The following HUNK variants were observed in gnomAD, a reference collection of about 807,000 sequenced individuals.
HUNK encodes the protein hormonally up-regulated Neu-associated kinase.
A neutral mutation model predicts 61.0 loss-of-function variants in HUNK; 21 were observed. The observed-to-expected ratio is 0.34, with a 90% CI of 0.24 to 0.50. HUNK has a LOEUF of 0.50. Among genes scored for constraint, HUNK ranks in the 20% least tolerant of loss-of-function variants. The pLI, the probability that HUNK is intolerant of heterozygous loss-of-function variation, is 0.98. For synonymous variants in HUNK, 371 were observed against 386.1 expected, an observed-to-expected ratio of 0.96 and a Z score of 0.46; for missense variants, 772 against 945.7, an observed-to-expected ratio of 0.82 and a Z score of 2.41.
Position 31,943,615 on chromosome 21 carries a change from T to A in HUNK, c.611-2421T>A, listed in dbSNP as rs568292643. Among the ~76,000 whole-genome samples the A allele has an allele frequency of 2.1e-4, 32 of 152,372 alleles. 1 individual carries two copies. Among genetic ancestry groups the A allele is most frequent in the African/African-American group, 7.2e-4 (30 of 41,594 alleles). On this transcript the variant is annotated intron_variant, in intron 3 of 10. Coordinates refer to ENST00000270112, the MANE Select transcript of HUNK (RefSeq NM_014586.2). ...CAACATAAGTTGCTTAACATGCAGA[T>A]TCTCTCTCTTCCACCTCCCAGATCC...
intron 9 of HUNK, among the ~76,000 whole-genome samples, chr21:31,992,366 G>A (rs2123254933): frequency 6.6e-6 from 1 of 152,298 alleles, no homozygotes; most frequent in South Asian, 2.1e-4. Flanking sequence ...ATTGTTCATG[G>A]GGCTGCGTTT....
chr21:31,919,898 A>G (rs1377311524), intron 1 of HUNK, among the ~76,000 whole-genome samples: 2 of 152,242 alleles, frequency 1.3e-5, no homozygotes, highest in African/African-American at 4.8e-5. Flanking sequence ...AAAGGGCATC[A>G]GATAGATTCC....
intron 9 of HUNK, among the ~76,000 whole-genome samples, chr21:31,991,273 A>G (rs2053170539): frequency 6.6e-6 from 1 of 151,812 alleles, no homozygotes; most frequent in Non-Finnish European, 1.5e-5. Context: ...GCTGGAGTGC[A>G]GTGGGTGTGA....
intron 1 of HUNK, among the ~76,000 whole-genome samples, chr21:31,910,194 C>A (rs546762649): frequency 6.6e-6 from 1 of 152,282 alleles, no homozygotes; most frequent in South Asian, 2.1e-4. Context: ...CAACAACAGA[C>A]ATTGATGTTG....
At chr21:31,979,800 C>A (rs1010046078) in intron 7 of HUNK, among the ~76,000 whole-genome samples, 2 of 152,158 alleles carry the variant, frequency 1.3e-5, no homozygotes, top group East Asian at 3.9e-4. Context: ...CAGGCATAAG[C>A]CACCACGCCC....
intron 5 of HUNK, among the ~76,000 whole-genome samples, chr21:31,965,594 C>CTTTTTTTTTTTTTT (rs71193162): frequency 7.8e-6 from 1 of 127,480 alleles, no homozygotes. Flanking sequence ...CTTTGTTTTT[C>CTTTTTTTTTTTTTT]TTTTTTTTTT....
chr21:31,904,789 T>G (rs1447493083), intron 1 of HUNK, among the ~76,000 whole-genome samples: 2 of 152,206 alleles, frequency 1.3e-5, no homozygotes, highest in Non-Finnish European at 2.9e-5. Flanking sequence ...GATTTGGAGA[T>G]AGTCTTTAAA....
chr21:31,985,290 G>A (rs572691622), intron 8 of HUNK, among the ~76,000 whole-genome samples: 2 of 152,330 alleles, frequency 1.3e-5, no homozygotes, highest in Admixed American at 1.3e-4. Flanking sequence ...CCAACGTAAA[G>A]TTTTCATCCT....
At chr21:31,986,883 C>A (rs73354670) in intron 8 of HUNK, among the ~76,000 whole-genome samples, 3 of 152,142 alleles carry the variant, frequency 2.0e-5, no homozygotes, top group Admixed American at 2.0e-4. Context: ...CTGCCTACCA[C>A]GTTCTACATC....
At chr21:31,981,815 C>G (rs1432955981) in intron 7 of HUNK, among the ~76,000 whole-genome samples, 2 of 152,062 alleles carry the variant, frequency 1.3e-5, no homozygotes, top group South Asian at 2.1e-4. Context: ...GACAATTGAA[C>G]TTCCTTTCCA....
chr21:31,930,539 G>A (rs1025718456), intron 2 of HUNK, among the ~76,000 whole-genome samples: 1 of 152,192 alleles, frequency 6.6e-6, no homozygotes, highest in African/African-American at 2.4e-5. Context: ...TTGGCCCCCT[G>A]GCCATAGACT....
chr21:31,982,114 G>C (rs890789744), intron 7 of HUNK, among the ~76,000 whole-genome samples: 1 of 152,140 alleles, frequency 6.6e-6, no homozygotes, highest in South Asian at 2.1e-4. Flanking sequence ...GTACTATGTT[G>C]AATAGAAGTA....
chr21:31,999,323 G>A lies in HUNK; in HGVS notation c.*139G>A, dbSNP rs2053230313. On this transcript the variant is annotated 3_prime_UTR_variant, in exon 11 of 11. Transcript: ENST00000270112. ...CTGTAGCTGAATCCACAGACCCAAAGCCTGCACAACCCAACCTCGCTTAGG... is the reference window on the plus strand; with the variant it reads ...CTGTAGCTGAATCCACAGACCCAAAACCTGCACAACCCAACCTCGCTTAGG... 2.5e-6 allele frequency: 2 copies of A among 800,486 alleles called. No individual in the cohort carries two copies. The highest frequency in any genetic ancestry group is 3.0e-5 in the Admixed American group (1 of 33,222). 49.6% of individuals were successfully genotyped at this position (800,486 alleles called of 1,614,324 possible). A position where few individuals can be genotyped will look rare whatever the true frequency, so the allele number is the denominator to read the frequency against.
intron 4 of HUNK, among the ~76,000 whole-genome samples, chr21:31,953,905 G>T (rs2052869939): frequency 6.6e-6 from 1 of 152,140 alleles, no homozygotes; most frequent in Non-Finnish European, 1.5e-5. Context: ...ACCCTGACCA[G>T]ACCTGCCACC....
chr21:31,899,399 C>T (rs935950066), intron 1 of HUNK, among the ~76,000 whole-genome samples: 3 of 152,140 alleles, frequency 2.0e-5, no homozygotes, highest in African/African-American at 7.2e-5. Flanking sequence ...ATGCCTCACT[C>T]CAGTCTCTGC....
intron 5 of HUNK, among the ~76,000 whole-genome samples, chr21:31,962,612 G>A (rs546449970): frequency 3.7e-4 from 56 of 152,350 alleles, no homozygotes; most frequent in East Asian, 5.8e-4. Context: ...AGCTCTGTGT[G>A]TGCTTGTTAA....
intron 3 of HUNK, among the ~76,000 whole-genome samples, chr21:31,942,144 A>G (rs553243695): frequency 6.6e-6 from 1 of 152,336 alleles, no homozygotes; most frequent in South Asian, 2.1e-4. Flanking sequence ...TGGGAGGTGG[A>G]GGTTGCAGTG....
chr21:31,993,908 C>T lies in HUNK; in HGVS notation c.1306-1860C>T, dbSNP rs73354681. Reference sequence around the variant, plus strand: ...AGCCTAGGACTGTGGCATGCTCCTGCCTCTGGGCCTTTCCATCTCTGGAAC... The same window carrying T: ...AGCCTAGGACTGTGGCATGCTCCTGTCTCTGGGCCTTTCCATCTCTGGAAC... On this transcript the variant is annotated intron_variant, in intron 9 of 10. Transcript: ENST00000270112. Among the ~76,000 whole-genome samples the T allele has an allele frequency of 5.9e-3, 898 of 152,206 alleles. 13 individuals are homozygous for T. The highest frequency in any genetic ancestry group is 0.021 in the African/African-American group (868 of 41,520).
chr21:31,976,350 CTTG>C (rs899401206), intron 7 of HUNK, among the ~76,000 whole-genome samples: 3 of 150,980 alleles, frequency 2.0e-5, no homozygotes, highest in Non-Finnish European at 4.4e-5. Context: ...CAGAAAATCT[CTTG>C]TATCACACAG....
Sources: gnomAD v4.1 joint callset for allele counts (sites outside exome capture counted in the v4.1 genomes callset) on GRCh38, gnomAD v4.1.1 for gene constraint, MANE v1.5 for transcripts, NCBI Gene and HGNC (gene_info 2026-07-23, HGNC 2026-07-21) for gene names.